Variants in ACVR2B observed in about 807,000 individuals in gnomAD.
ACVR2B encodes the protein activin receptor type-2B.
Under a neutral mutation model 65.1 loss-of-function variants are expected in ACVR2B, and 18 were observed. The ratio of observed to expected loss-of-function variants is 0.28; its 90% confidence interval spans 0.19 to 0.41. The LOEUF (loss-of-function observed/expected upper bound fraction) is 0.41, where lower values mean the gene tolerates loss of function less well. ACVR2B is among the 10% of genes least tolerant of loss of function. The pLI is 1.00. For missense variants in ACVR2B, 482 were observed against 682.7 expected (o/e 0.71, Z 3.28); for synonymous variants, 298 against 277.7 (o/e 1.07, Z -0.73).
chr3:38,457,619 A>G (rs1395348648), intron 1 of ACVR2B, among the ~76,000 whole-genome samples: 4 of 152,106 alleles, frequency 2.6e-5, no homozygotes, highest in African/African-American at 9.7e-5. Flanking sequence ...AACTCCTGAC[A>G]CCTGTCTCTG....
intron 5 of ACVR2B, 102 bp downstream of exon 5, chr3:38,478,620 G>A: frequency 1.9e-6 from 3 of 1,538,498 alleles, no homozygotes; most frequent in Non-Finnish European, 2.7e-6. Flanking sequence ...TAATATTGTG[G>A]TATGAGAGAA....
In ACVR2B at chr3:38,481,656, C is replaced by T. The variant is rs147285581; in HGVS notation, c.1074+191C>T. Among the ~76,000 whole-genome samples the T allele has an allele frequency of 4.6e-5, 7 of 152,286 alleles. No individual in the cohort carries two copies. Among genetic ancestry groups the T allele is most frequent in the African/African-American group, 1.4e-4 (6 of 41,558 alleles). The stretch of plus-strand genomic sequence containing the variant: ...CAGGAAGGCAGTGTAGTTTAGCTTC[C>T]GTAGGACAGTCAGCTGGGAAATGTA... On this transcript the variant is annotated intron_variant, in intron 8 of 10. Transcript: ENST00000352511. This position sits in a 1 kb window ranked among gnomAD's most constrained non-coding sequence, Gnocchi z 4.7.
intron 1 of ACVR2B, chr3:38,476,925 A>C (rs1575586867): frequency 2.7e-6 from 1 of 373,820 alleles, no homozygotes; most frequent in Non-Finnish European, 5.0e-6. Flanking sequence ...AGTAGCCCCC[A>C]CCCCCACGCA....
chr3:38,477,911 G>A lies in ACVR2B; in HGVS notation c.311G>A (p.Cys104Tyr). Reference protein sequence around the residue: ...EENPQVYFCCCEGNFCNERFT... With the variant: ...EENPQVYFCCYEGNFCNERFT... ...AACCCCCAGGTGTACTTCTGCTGCT[G>A]TGAAGGCAACTTCTGCAACGAACGC... The change falls in exon 3 of 11, where the codon TGT becomes TAT. Residue 104 changes from cysteine (C) to tyrosine (Y), a missense_variant. Transcript: ENST00000352511. The surrounding 1 kb of genome is among the most constrained non-coding windows in gnomAD (Gnocchi z 6.7). The A allele has an allele frequency of 1.2e-6, 2 of 1,614,124 alleles. No homozygotes were observed. Among genetic ancestry groups the A allele is most frequent in the Non-Finnish European group, 8.5e-7 (1 of 1,180,016 alleles).
chr3:38,458,372 T>C (rs1709585445), intron 1 of ACVR2B, among the ~76,000 whole-genome samples: 1 of 152,208 alleles, frequency 6.6e-6, no homozygotes, highest in African/African-American at 2.4e-5. Flanking sequence ...TGTGTGTACA[T>C]TGTATGCACC....
chr3:38,483,253 G>A lies in ACVR2B; in HGVS notation c.1460G>A (p.Gly487Asp). Residue 487 changes from glycine (G) to aspartate (D), a missense_variant, in exon 11 of 11, where the codon GGC (glycine) becomes GAC (aspartate). By Grantham distance (94) the Gly-to-Asp change is moderately conservative. Coordinates refer to ENST00000352511, the MANE Select transcript of ACVR2B (RefSeq NM_001106.4). The surrounding 1 kb of genome is among the most constrained non-coding windows in gnomAD (Gnocchi z 4.8). ...TCCCTGATTCGGAGGTCGGTCAACG[G>A]CACTACCTCGGACTGTCTCGTTTCC... ...RVSLIRRSVN[G>D]TTSDCLVSLV... is the part of the protein sequence containing the mutation. 3 of 1,614,034 alleles carry A rather than the reference G, an allele frequency of 1.9e-6. No homozygotes were observed. The highest frequency in any genetic ancestry group is 1.1e-5 in the South Asian group (1 of 91,076).
At chr3:38,459,396 G>A (rs1035991370) in intron 1 of ACVR2B, among the ~76,000 whole-genome samples, 4 of 152,190 alleles carry the variant, frequency 2.6e-5, no homozygotes, top group Non-Finnish European at 4.4e-5. Context: ...GCCTCTGACC[G>A]TTGCCTTAAG....
At position 38,465,725 on chromosome 3, in the gene ACVR2B, G is replaced by GT. The variant is rs1244339659; in HGVS notation, c.52+11352dup. 2.0e-5 allele frequency among the ~76,000 whole-genome samples: 3 copies of GT among 152,204 alleles called. No homozygotes were observed. The East Asian group carries it at 5.8e-4, about 29-fold the overall frequency. On this transcript the variant is annotated intron_variant, in intron 1 of 10. Coordinates refer to ENST00000352511, the MANE Select transcript of ACVR2B (RefSeq NM_001106.4). The stretch of plus-strand genomic sequence containing the variant: ...GAGTCATGAAATCACAGCCACAGAA[G>GT]TAAAGGAGAGAGAATGAGGCAGAAA...
chr3:38,483,342 A>G lies in ACVR2B; in HGVS notation c.*10A>G, dbSNP rs374831176. 1 of 1,614,054 alleles carries G rather than the reference A, an allele frequency of 6.2e-7. No homozygotes were observed. The highest frequency in any genetic ancestry group is 8.5e-7 in the Non-Finnish European group (1 of 1,179,950). On this transcript the variant is annotated 3_prime_UTR_variant, in exon 11 of 11. Coordinates refer to ENST00000352511, the MANE Select transcript of ACVR2B (RefSeq NM_001106.4). This position sits in a 1 kb window ranked among gnomAD's most constrained non-coding sequence, Gnocchi z 4.8. ...AGAGTCAAGCATCTAAGCCCAGGAC[A>G]TGAGTGTCTGTCCAGACTCAGTGGA...
intron 7 of ACVR2B, among the ~76,000 whole-genome samples, 189 bp downstream of exon 7, chr3:38,480,015 CT>C (rs1393203549): frequency 1.3e-5 from 2 of 152,182 alleles, no homozygotes; most frequent in Non-Finnish European, 2.9e-5. Flanking sequence ...GCCTCCCAAG[CT>C]GGTTTTTGGT....
chr3:38,458,590 A>C (rs1575577293), intron 1 of ACVR2B, among the ~76,000 whole-genome samples: 1 of 152,260 alleles, frequency 6.6e-6, no homozygotes, highest in East Asian at 1.9e-4. Context: ...CTCTCTTTCC[A>C]GAAAGCTGTC....
intron 6 of ACVR2B, 117 bp from the exon 7 acceptor site, chr3:38,479,561 T>C (rs1575588517): frequency 1.6e-6 from 2 of 1,289,520 alleles, no homozygotes; most frequent in Non-Finnish European, 2.2e-6. Context: ...TCGATTGTAG[T>C]AGCCTTCCAG....
intron 1 of ACVR2B, among the ~76,000 whole-genome samples, chr3:38,466,296 T>C (rs1008559680): frequency 4.6e-5 from 6 of 131,756 alleles, no homozygotes; most frequent in Non-Finnish European, 8.7e-5. Flanking sequence ...TGTTGCACCG[T>C]AGGGTGCTTG....
chr3:38,455,844 G>C (rs545058274), intron 1 of ACVR2B, among the ~76,000 whole-genome samples: 2 of 152,190 alleles, frequency 1.3e-5, no homozygotes, highest in South Asian at 2.1e-4. Context: ...GCATTGGTCT[G>C]CTAGAGGGAG....
rs1448585982 is a variant in ACVR2B at position 38,477,435 on chromosome 3, T to A, written c.201T>A (p.Ser67=). The change falls in exon 2 of 11, where the codon TCT becomes TCA. Residue 67 remains serine, a synonymous_variant. Transcript: ENST00000352511. This position sits in a 1 kb window ranked among gnomAD's most constrained non-coding sequence, Gnocchi z 6.7. ...GCTACGCCTCCTGGCGCAACAGCTC[T>A]GGCACCATCGAGCTCGTGAAGAAGG... The part of the protein sequence containing the change: ...LHCYASWRNS[S]GTIELVKKGC... The A allele has an allele frequency of 6.2e-7, 1 of 1,614,182 alleles. No homozygotes were observed. The highest frequency in any genetic ancestry group is 8.5e-7 in the Non-Finnish European group (1 of 1,180,018).
chr3:38,458,952 C>A (rs61082091), intron 1 of ACVR2B, among the ~76,000 whole-genome samples: 1 of 152,108 alleles, frequency 6.6e-6, no homozygotes, highest in African/African-American at 2.4e-5. Context: ...GCAGTATCCC[C>A]GCCTCTACCC....
intron 8 of ACVR2B, 41 bp from the exon 9 acceptor site, chr3:38,482,157 G>A: frequency 3.7e-6 from 6 of 1,613,594 alleles, no homozygotes; most frequent in Non-Finnish European, 3.4e-6. Context: ...TGTGTGTATG[G>A]CCAGTCACTG....
In ACVR2B at chr3:38,484,943, T is replaced by TA. The variant is rs1200613863; in HGVS notation, c.*1612dup. 6.5e-6 allele frequency: 1 copy of TA among 152,680 alleles called. No individual in the cohort carries two copies. Among genetic ancestry groups the TA allele is most frequent in the African/African-American group, 2.4e-5 (1 of 41,462 alleles). 9.5% of individuals were successfully genotyped at this position (152,680 alleles called of 1,614,324 possible). On this transcript the variant is annotated 3_prime_UTR_variant, in exon 11 of 11. Coordinates refer to ENST00000352511, the MANE Select transcript of ACVR2B (RefSeq NM_001106.4). ...AAAGTTTGCATCTTCTAGGGAGTGC[T>TA]ACCATTTTTGTTTGATAACGCCCCC...
At position 38,482,559 on chromosome 3, in the gene ACVR2B, C is replaced by T. The variant is rs761653104; in HGVS notation, c.1343C>T (p.Pro448Leu). 55 of 1,609,826 alleles carry T rather than the reference C, an allele frequency of 3.4e-5. No individual in the cohort carries two copies. The highest frequency in any genetic ancestry group is 3.1e-4 in the South Asian group (28 of 90,106). ...ATTAAAGATCACTGGTTGAAACACC[C>T]GGTAAGGGGCCTGGTTCAGGCAACT... ...PTIKDHWLKH[P>L]GLAQLCVTIE... The change falls in exon 10 of 11, where the codon CCG becomes CTG. Residue 448 changes from proline to leucine, a missense_variant and splice_region_variant. By Grantham distance (98) the Pro-to-Leu change is moderately conservative (BLOSUM62 -3). Transcript: ENST00000352511.
Sources: allele counts gnomAD v4.1 joint callset (sites outside exome capture counted in the v4.1 genomes callset), GRCh38; gene constraint gnomAD v4.1.1; non-coding constraint Gnocchi (gnomAD v3.1); transcripts MANE v1.5; gene names NCBI Gene and HGNC (gene_info 2026-07-23, HGNC 2026-07-21).